Variants in TMCO5A observed in about 807,000 individuals in gnomAD.
The protein encoded by TMCO5A is transmembrane and coiled-coil domain-containing protein 5A.
TMCO5A carries 34 observed loss-of-function variants against 42.3 expected under a neutral mutation model. That is an observed-to-expected ratio of 0.80 (90% confidence interval 0.61 to 1.07). The LOEUF (loss-of-function observed/expected upper bound fraction) is 1.07, where lower values mean the gene tolerates loss of function less well. TMCO5A is among the 50% of genes least tolerant of loss of function. The probability of loss-of-function intolerance (pLI) is 0.00; values close to 1 mark genes in which losing one functional copy is unlikely to be tolerated. For synonymous variants in TMCO5A, 131 were observed against 115.6 expected (o/e 1.13, Z -0.86); for missense variants, 357 against 327.9 (o/e 1.09, Z -0.69).
chr15:37,945,560 T>A (rs1292221834), intron 10 of TMCO5A, among the ~76,000 whole-genome samples: 1 of 152,126 alleles, frequency 6.6e-6, no homozygotes, highest in African/African-American at 2.4e-5. Context: ...TTTTTAATAA[T>A]AGCAATTCTA....
At chr15:37,977,489 G>A in the TMCO5A span, among the ~76,000 whole-genome samples, 1 of 152,128 alleles carries the variant, frequency 6.6e-6, no homozygotes, top group South Asian at 2.1e-4. Context: ...AAGTATTTTT[G>A]GTGTTGAAGT....
chr15:38,024,471 T>TC, the TMCO5A span, among the ~76,000 whole-genome samples: 1 of 152,244 alleles, frequency 6.6e-6, no homozygotes, highest in Non-Finnish European at 1.5e-5. Flanking sequence ...TGTTCCATTT[T>TC]CCCCCATTGA....
intron 11 of TMCO5A, among the ~76,000 whole-genome samples, chr15:37,961,373 G>A (rs1357401774): frequency 6.6e-6 from 1 of 152,028 alleles, no homozygotes; most frequent in Non-Finnish European, 1.5e-5. Context: ...TTATTTCTGA[G>A]TTCTCTATTC....
the TMCO5A span, among the ~76,000 whole-genome samples, chr15:37,974,688 A>G: frequency 6.6e-6 from 1 of 151,972 alleles, no homozygotes; most frequent in Non-Finnish European, 1.5e-5. Flanking sequence ...TATTCTTTCA[A>G]AAAACCAACT....
rs1233957472 is a variant in TMCO5A at position 37,941,941 on chromosome 15, C to G, written c.504+211C>G. 2.0e-5 allele frequency among the ~76,000 whole-genome samples: 3 copies of G among 152,118 alleles called. No individual in the cohort carries two copies. In the East Asian group the frequency reaches 5.8e-4, roughly 29 times the overall value. On this transcript the variant is annotated intron_variant, in intron 8 of 11. Coordinates refer to ENST00000319669, the MANE Select transcript of TMCO5A (RefSeq NM_152453.4). ...GGAATTCCTGCCCTGCTCTCCCACT[C>G]TCTGTGCTGTTAAGTTAATAATTCA...
exon 12 of TMCO5A, chr15:37,966,900 G>T: frequency 1.8e-6 from 1 of 559,130 alleles, no homozygotes. Context: ...CAAAGTAAGG[G>T]AATGACCTAA....
At chr15:37,962,216 T>C (rs1428311023) in intron 11 of TMCO5A, among the ~76,000 whole-genome samples, 1 of 151,956 alleles carries the variant, frequency 6.6e-6, no homozygotes, top group Non-Finnish European at 1.5e-5. Flanking sequence ...ATCTCCCTTG[T>C]ATGCCAATTT....
intron 11 of TMCO5A, among the ~76,000 whole-genome samples, chr15:37,957,765 A>G (rs1386352424): frequency 6.6e-6 from 1 of 152,206 alleles, no homozygotes; most frequent in East Asian, 1.9e-4. Context: ...GGAACCAAAA[A>G]AGAGCCCATA....
At chr15:38,002,313 T>A in the TMCO5A span, among the ~76,000 whole-genome samples, 1 of 152,082 alleles carries the variant, frequency 6.6e-6, no homozygotes, top group African/African-American at 2.4e-5. Context: ...GGTAGTCTCA[T>A]TTGGATTATA....
the TMCO5A span, among the ~76,000 whole-genome samples, chr15:37,995,004 A>G: frequency 6.6e-6 from 1 of 152,174 alleles, no homozygotes; most frequent in Non-Finnish European, 1.5e-5. Flanking sequence ...GGGCTAGGGA[A>G]CTGTGCAAAG....
the TMCO5A span, among the ~76,000 whole-genome samples, chr15:37,985,153 G>C: frequency 6.6e-6 from 1 of 151,582 alleles, no homozygotes; most frequent in Admixed American, 6.6e-5. Flanking sequence ...CTAGATTATA[G>C]AAGATTCTTC....
At chr15:38,014,310 A>G in the TMCO5A span, among the ~76,000 whole-genome samples, 16 of 152,046 alleles carry the variant, frequency 1.1e-4, no homozygotes, top group African/African-American at 3.9e-4. Context: ...TTGTCATTTA[A>G]AAGAATTTCA....
chr15:37,987,805 C>T, the TMCO5A span, among the ~76,000 whole-genome samples: 1 of 151,834 alleles, frequency 6.6e-6, no homozygotes, highest in Non-Finnish European at 1.5e-5. Flanking sequence ...GTATAAGCCT[C>T]CCATCTTCTT....
the TMCO5A span, among the ~76,000 whole-genome samples, chr15:38,032,000 G>A: frequency 1.3e-5 from 2 of 151,638 alleles, no homozygotes; most frequent in South Asian, 4.2e-4. Context: ...TCGTCGCCCA[G>A]GCTGGAGTGC....
the TMCO5A span, among the ~76,000 whole-genome samples, chr15:37,974,696 A>G: frequency 6.6e-6 from 1 of 151,258 alleles, no homozygotes; most frequent in African/African-American, 2.4e-5. Flanking sequence ...CAAAAAACCA[A>G]CTCCTGATGT....
intron 10 of TMCO5A, 142 bp from the exon 11 acceptor site, chr15:37,947,514 A>G (rs1447531077): frequency 1.7e-6 from 1 of 603,808 alleles, no homozygotes; most frequent in African/African-American, 2.0e-5. Flanking sequence ...TTTTGGCCTG[A>G]AAATTATATG....
the TMCO5A span, among the ~76,000 whole-genome samples, chr15:38,035,819 C>T: frequency 1.3e-5 from 2 of 152,308 alleles, no homozygotes; most frequent in Admixed American, 6.5e-5. Context: ...AGGCAAGATG[C>T]TCTCGCACAA....
At chr15:38,005,893 G>A in the TMCO5A span, among the ~76,000 whole-genome samples, 11 of 152,202 alleles carry the variant, frequency 7.2e-5, no homozygotes, top group African/African-American at 2.4e-4. Flanking sequence ...GATGAAGACC[G>A]AAGGAACTGA....
At chr15:37,939,304 G>A (rs969910945) in intron 6 of TMCO5A, among the ~76,000 whole-genome samples, 6 of 152,070 alleles carry the variant, frequency 3.9e-5, no homozygotes, top group African/African-American at 1.4e-4. Flanking sequence ...TAGTTTTGAT[G>A]ACCACAAAAA....
Sources: allele counts gnomAD v4.1 joint callset (sites outside exome capture counted in the v4.1 genomes callset), GRCh38; gene constraint gnomAD v4.1.1; transcripts MANE v1.5; gene names NCBI Gene and HGNC (gene_info 2026-07-23, HGNC 2026-07-21).